The following ABHD18 variants were observed in gnomAD, a reference collection of about 807,000 sequenced individuals.
ABHD18 encodes cardiolipin-specific deacylase, mitochondrial.
Under a neutral mutation model 65.9 loss-of-function variants are expected in ABHD18, and 55 were observed. The observed-to-expected ratio is 0.84, with a 90% CI of 0.67 to 1.05. The LOEUF (loss-of-function observed/expected upper bound fraction) is 1.05. Ranked by LOEUF, ABHD18 falls within the 50% of genes least tolerant of loss-of-function variation. ABHD18 has a pLI of 0.00. For missense variants in ABHD18, 533 were observed against 558.5 expected, an observed-to-expected ratio of 0.95 and a Z score of 0.46; for synonymous variants, 181 against 180.2, an observed-to-expected ratio of 1.00 and a Z score of -0.04.
Position 128,021,153 on chromosome 4 carries a change from C to A in ABHD18, c.716C>A (p.Ser239Ter). ...GVFTTGVLSKSINWRELEKQY... is the reference protein window; with the variant it reads ...GVFTTGVLSK Reference sequence around the variant, plus strand: ...TTATTTCAGGGTGTGTTGAGTAAATCAATTAATTGGAGGGAGCTGGAAAAG... The same window carrying A: ...TTATTTCAGGGTGTGTTGAGTAAATAAATTAATTGGAGGGAGCTGGAAAAG... The change falls in exon 10 of 13, where the codon TCA becomes TAA. Residue 239 changes from serine to a stop codon, truncating the protein, a stop_gained. Transcript: ENST00000645843. LOFTEE classifies it high-confidence loss of function. 1 of 1,544,794 alleles carries A rather than the reference C, an allele frequency of 6.5e-7. No individual in the cohort carries two copies. The highest frequency in any genetic ancestry group is 8.8e-7 in the Non-Finnish European group (1 of 1,142,588).
intron 10 of ABHD18, among the ~76,000 whole-genome samples, chr4:128,024,640 G>A (rs1757063053): frequency 6.6e-6 from 1 of 151,608 alleles, no homozygotes; most frequent in African/African-American, 2.4e-5. Flanking sequence ...ATAGTGATTT[G>A]TTGTGGTAAC....
chr4:127,992,877 G>C (rs137954728), intron 4 of ABHD18, among the ~76,000 whole-genome samples: 87 of 152,050 alleles, frequency 5.7e-4, no homozygotes, highest in Non-Finnish European at 1.1e-3. Context: ...TCTTATTAAT[G>C]CTTTACTGAA....
intron 4 of ABHD18, among the ~76,000 whole-genome samples, chr4:127,998,588 G>C (rs140238890): frequency 3.3e-5 from 5 of 150,838 alleles, no homozygotes; most frequent in African/African-American, 1.2e-4. Context: ...GGCCAAGCTG[G>C]TCTCAAACTC....
intron 12 of ABHD18, among the ~76,000 whole-genome samples, chr4:128,034,916 T>C (rs1758710626): frequency 6.6e-6 from 1 of 152,152 alleles, no homozygotes; most frequent in Non-Finnish European, 1.5e-5. Flanking sequence ...CCTCCCAAAG[T>C]GCTGGGATTA....
At chr4:127,989,850 ATACAT>A (rs1560849763) in intron 4 of ABHD18, 29 bp downstream of exon 4, 1 of 1,339,640 alleles carries the variant, frequency 7.5e-7, no homozygotes. Context: ...AAAAAGATGA[ATACAT>A]TATTTATGTT....
At chr4:127,998,812 A>G (rs1752201425) in intron 4 of ABHD18, among the ~76,000 whole-genome samples, 1 of 152,176 alleles carries the variant, frequency 6.6e-6, no homozygotes, top group Non-Finnish European at 1.5e-5. Context: ...TAAATGTTAC[A>G]TTTTAAATTA....
chr4:127,981,977 G>A (rs1479355167), intron 1 of ABHD18, among the ~76,000 whole-genome samples: 1 of 152,130 alleles, frequency 6.6e-6, no homozygotes, highest in Non-Finnish European at 1.5e-5. Context: ...CAACTTAAAT[G>A]CCAGCCCAAT....
intron 7 of ABHD18, 50 bp from the exon 8 acceptor site, chr4:128,017,313 G>A: frequency 6.4e-7 from 1 of 1,564,098 alleles, no homozygotes; most frequent in Non-Finnish European, 8.7e-7. Context: ...GCATATATTA[G>A]CATGTAAATA....
At chr4:127,979,871 G>A (rs1048127670) in intron 1 of ABHD18, among the ~76,000 whole-genome samples, 1 of 143,252 alleles carries the variant, frequency 7.0e-6, no homozygotes, top group African/African-American at 2.6e-5. Context: ...AGCCAAGATT[G>A]TGCCACTGCA....
intron 1 of ABHD18, among the ~76,000 whole-genome samples, chr4:127,980,756 C>T (rs1040428953): frequency 3.6e-5 from 5 of 139,924 alleles, no homozygotes; most frequent in African/African-American, 8.2e-5. Flanking sequence ...ACCCAGGGGA[C>T]GGAGGTTGCA....
intron 4 of ABHD18, among the ~76,000 whole-genome samples, chr4:128,006,950 A>T (rs1276648582): frequency 1.3e-5 from 2 of 152,226 alleles, no homozygotes; most frequent in African/African-American, 4.8e-5. Flanking sequence ...GTTCAAGACC[A>T]GCCTGACTAA....
At chr4:128,021,035 A>AC in intron 9 of ABHD18, 102 bp from the exon 10 acceptor site, 1 of 159,400 alleles carries the variant, frequency 6.3e-6, no homozygotes, top group Non-Finnish European at 1.2e-5. Flanking sequence ...CTTCGTCTGC[A>AC]AAAAAAAAAA....
chr4:127,984,450 T>C (rs1252513713), intron 3 of ABHD18, 27 bp downstream of exon 3: 5 of 1,358,060 alleles, frequency 3.7e-6, no homozygotes, highest in East Asian at 2.5e-5. Flanking sequence ...AACACAGTTA[T>C]AGGAATTGTG....
intron 7 of ABHD18, among the ~76,000 whole-genome samples, chr4:128,015,467 G>A (rs151191232): frequency 3.9e-5 from 6 of 152,050 alleles, no homozygotes; most frequent in African/African-American, 1.2e-4. Context: ...TCCCATACAA[G>A]GCTAAAAGAA....
chr4:128,011,808 T>C, intron 7 of ABHD18, 108 bp downstream of exon 7: 2 of 271,396 alleles, frequency 7.4e-6, no homozygotes, highest in East Asian at 1.5e-4. Flanking sequence ...ACCTAAATAT[T>C]ATGGGGGGGG....
chr4:127,995,523 T>A (rs58546713), intron 4 of ABHD18, among the ~76,000 whole-genome samples: 4,604 of 152,274 alleles, frequency 0.03, 303 homozygotes, highest in East Asian at 0.27. Context: ...TGATTTTAAA[T>A]ATGTATGTTA....
intron 10 of ABHD18, among the ~76,000 whole-genome samples, chr4:128,022,951 A>G (rs1173755808): frequency 6.6e-6 from 1 of 151,870 alleles, no homozygotes; most frequent in Non-Finnish European, 1.5e-5. Context: ...TTGTATTTTT[A>G]GTAGAGATGG....
intron 10 of ABHD18, among the ~76,000 whole-genome samples, chr4:128,022,769 C>CTT (rs1234304858): frequency 7.6e-5 from 10 of 130,964 alleles, no homozygotes; most frequent in East Asian, 6.6e-4. Context: ...CGATCCTTTT[C>CTT]TTTTTTTTTT....
At chr4:127,969,317 T>A (rs1746280761) in intron 1 of ABHD18, among the ~76,000 whole-genome samples, 1 of 151,598 alleles carries the variant, frequency 6.6e-6, no homozygotes, top group Non-Finnish European at 1.5e-5. Flanking sequence ...TTCACCTGCC[T>A]CAACCTCCCA....
Sources: allele counts gnomAD v4.1 joint callset (sites outside exome capture counted in the v4.1 genomes callset), GRCh38; gene constraint gnomAD v4.1.1; transcripts MANE v1.5; gene names NCBI Gene and HGNC (gene_info 2026-07-23, HGNC 2026-07-21).